RWDD1: variants seen among roughly 807,000 people sequenced by gnomAD.
The protein encoded by RWDD1 is RWD domain-containing protein 1.
Under a neutral mutation model 31.6 loss-of-function variants are expected in RWDD1, and 17 were observed. That is an observed-to-expected ratio of 0.54 (90% confidence interval 0.37 to 0.81). The LOEUF (loss-of-function observed/expected upper bound fraction) is 0.81. Ranked by LOEUF, RWDD1 falls within the 30% of genes least tolerant of loss-of-function variation. The pLI, the probability that RWDD1 is intolerant of heterozygous loss-of-function variation, is 0.00. For synonymous variants in RWDD1, 78 were observed against 94.2 expected, an observed-to-expected ratio of 0.83 and a Z score of 0.99; for missense variants, 204 against 274.5, an observed-to-expected ratio of 0.74 and a Z score of 1.82.
Position 116,593,218 on chromosome 6 carries a change from T to C in RWDD1, c.*117T>C, listed in dbSNP as rs1333096706. 2.0e-6 allele frequency: 2 copies of C among 991,586 alleles called. No individual in the cohort carries two copies. Among genetic ancestry groups the C allele is most frequent in the East Asian group, 5.6e-5 (2 of 35,784 alleles). 61.4% of individuals were successfully genotyped at this position (991,586 alleles called of 1,614,324 possible). ...AAAAATTATTTTCAGGAGAATATTC[T>C]TCTGATAGCTTTCATCATTGAACTT... On this transcript the variant is annotated 3_prime_UTR_variant, in exon 7 of 7. Transcript: ENST00000466444.
rs1583338841 is a variant in RWDD1, at chr6:116,595,618, AG to A, written c.*2518del. The A allele has an allele frequency of 6.6e-6, 1 of 151,938 alleles. No homozygotes were observed. The highest frequency in any genetic ancestry group is 1.9e-4 in the East Asian group (1 of 5,202). 9.4% of individuals were successfully genotyped at this position (151,938 alleles called of 1,614,324 possible). A position where few individuals can be genotyped will look rare whatever the true frequency, so the allele number is the denominator to read the frequency against. ...ATGTCACTAGGTTAAAAACAAACACAGATATGTTTATTCATTACTGTATCCC... is the reference window on the plus strand; with the variant it reads ...ATGTCACTAGGTTAAAAACAAACACAATATGTTTATTCATTACTGTATCCC... On this transcript the variant is annotated 3_prime_UTR_variant, in exon 7 of 7. Transcript: ENST00000466444.
intron 3 of RWDD1, among the ~76,000 whole-genome samples, chr6:116,586,675 C>T (rs528367337): frequency 6.6e-6 from 1 of 152,226 alleles, no homozygotes; most frequent in African/African-American, 2.4e-5. Flanking sequence ...CTCTTTTGTA[C>T]TCCTAGTGCC....
chr6:116,593,235 A>T lies in RWDD1; in HGVS notation c.*134A>T. 4 of 843,812 alleles carry T rather than the reference A, an allele frequency of 4.7e-6. No homozygotes were observed. The highest frequency in any genetic ancestry group is 6.8e-6 in the Non-Finnish European group (4 of 588,886). 52.3% of individuals were successfully genotyped at this position (843,812 alleles called of 1,614,324 possible). A position where few individuals can be genotyped will look rare whatever the true frequency, so the allele number is the denominator to read the frequency against. On this transcript the variant is annotated 3_prime_UTR_variant, in exon 7 of 7. Transcript: ENST00000466444. ...GAATATTCTTCTGATAGCTTTCATC[A>T]TTGAACTTAATAAACTGACCTTAAA...
chr6:116,584,963 C>T (rs1775013403), intron 3 of RWDD1, 106 bp downstream of exon 3: 5 of 873,492 alleles, frequency 5.7e-6, no homozygotes, highest in South Asian at 1.7e-5. Flanking sequence ...AGAACATTGA[C>T]CAAGTGGAAT....
In RWDD1 at chr6:116,595,942, T is replaced by G. The variant is rs1358945943; in HGVS notation, c.*2841T>G. ...GGGGTAAAACTAAGAGGAGTGATAA[T>G]AACATCTCATCAATTTAAAGGACAA... On this transcript the variant is annotated 3_prime_UTR_variant, in exon 7 of 7. Transcript: ENST00000466444. The G allele has an allele frequency of 1.3e-5, 2 of 152,186 alleles. No individual in the cohort carries two copies. The highest frequency in any genetic ancestry group is 2.9e-5 in the Non-Finnish European group (2 of 68,016). The allele number at this position is 152,186 out of a possible 1,614,324, so 9.4% of individuals were successfully genotyped here. A position where few individuals can be genotyped will look rare whatever the true frequency, so the allele number is the denominator to read the frequency against.
At chr6:116,586,145 G>A (rs1347947320) in intron 3 of RWDD1, among the ~76,000 whole-genome samples, 1 of 152,066 alleles carries the variant, frequency 6.6e-6, no homozygotes, top group Admixed American at 6.5e-5. Flanking sequence ...TGACCCTCAG[G>A]TGTGATCAGG....
chr6:116,581,423 T>G (rs1458021223), intron 2 of RWDD1, among the ~76,000 whole-genome samples: 1 of 152,026 alleles, frequency 6.6e-6, no homozygotes, highest in Non-Finnish European at 1.5e-5. Flanking sequence ...TATAAAAATT[T>G]CTTGTGAGAG....
intron 1 of RWDD1, among the ~76,000 whole-genome samples, chr6:116,572,244 G>T (rs1414536232): frequency 2.0e-5 from 3 of 152,084 alleles, no homozygotes; most frequent in African/African-American, 7.2e-5. Flanking sequence ...AAATTCATAG[G>T]TTGTTAGATT....
At chr6:116,581,545 C>A (rs1297404316) in intron 2 of RWDD1, among the ~76,000 whole-genome samples, 1 of 151,948 alleles carries the variant, frequency 6.6e-6, no homozygotes, top group Non-Finnish European at 1.5e-5. Context: ...GAAACTAAAT[C>A]CTGCATTGTA....
At chr6:116,583,269 G>A (rs1005151684) in intron 2 of RWDD1, among the ~76,000 whole-genome samples, 7 of 152,008 alleles carry the variant, frequency 4.6e-5, no homozygotes, top group African/African-American at 1.4e-4. Flanking sequence ...AAACCCCAGC[G>A]CCTGGCCATG....
intron 1 of RWDD1, among the ~76,000 whole-genome samples, chr6:116,576,931 G>A (rs1477183073): frequency 6.6e-6 from 1 of 152,210 alleles, no homozygotes; most frequent in African/African-American, 2.4e-5. Flanking sequence ...AGAGGGCCTT[G>A]TCAGGGACTT....
At chr6:116,572,887 C>T (rs771877238) in intron 1 of RWDD1, 2 of 985,342 alleles carry the variant, frequency 2.0e-6, no homozygotes, top group Admixed American at 1.2e-4. Flanking sequence ...CCCTGTATAG[C>T]TCCAGTCCTG....
chr6:116,580,074 T>G, intron 1 of RWDD1: 1 of 327,118 alleles, frequency 3.1e-6, no homozygotes. Flanking sequence ...AAGAGGGTTA[T>G]CTACCATAGT....
intron 6 of RWDD1, among the ~76,000 whole-genome samples, chr6:116,592,192 G>A (rs1028175673): frequency 2.2e-5 from 3 of 136,654 alleles, no homozygotes; most frequent in Admixed American, 7.4e-5. Context: ...CCTCATCTAC[G>A]TTACTTTCAG....
Position 116,584,749 on chromosome 6 carries a change from T to C in RWDD1, c.162T>C (p.Phe54=). The change falls in exon 3 of 7, where the codon TTT becomes TTC. Residue 54 remains phenylalanine, a synonymous_variant. Transcript: ENST00000466444. ...NDETVQTTLK[F]TYSEKYPDEA... is the part of the protein sequence containing the mutation. ...TAGCTGTCCAGACTACCCTCAAGTT[T>C]ACATACAGTGAAAAATACCCAGATG... 1 of 1,611,164 alleles carries C rather than the reference T, an allele frequency of 6.2e-7. No homozygotes were observed. Among genetic ancestry groups the C allele is most frequent in the Non-Finnish European group, 8.5e-7 (1 of 1,177,532 alleles).
intron 3 of RWDD1, 54 bp from the exon 4 acceptor site, chr6:116,588,788 A>G (rs878877641): frequency 5.3e-6 from 7 of 1,312,870 alleles, no homozygotes; most frequent in South Asian, 3.1e-5. Context: ...TTATAAATGT[A>G]TGGACTTTTA....
Position 116,580,831 on chromosome 6 carries a change from G to A in RWDD1, c.139+471G>A, listed in dbSNP as rs557862294. Among the ~76,000 whole-genome samples, 578 of 152,102 alleles carry A rather than the reference G, an allele frequency of 3.8e-3. 4 individuals are homozygous for A. Among genetic ancestry groups the A allele is most frequent in the Non-Finnish European group, 6.5e-3 (438 of 67,902 alleles). On this transcript the variant is annotated intron_variant, in intron 2 of 6. Transcript: ENST00000466444. Reference sequence around the variant, plus strand: ...TTCTGTCTCTTTCTTTTGAAATAACGTAACTATAAAAACCAATAAATTAAA... The same window carrying A: ...TTCTGTCTCTTTCTTTTGAAATAACATAACTATAAAAACCAATAAATTAAA...
intron 2 of RWDD1, among the ~76,000 whole-genome samples, chr6:116,583,704 A>T (rs1370510593): frequency 6.6e-6 from 1 of 152,016 alleles, no homozygotes; most frequent in Non-Finnish European, 1.5e-5. Context: ...GAAGAAATAA[A>T]ATGGAAAAAA....
chr6:116,590,479 G>A (rs369114851), intron 5 of RWDD1, 75 bp downstream of exon 5: 2 of 1,467,206 alleles, frequency 1.4e-6, no homozygotes, highest in Non-Finnish European at 1.8e-6. Context: ...GGATCATTTG[G>A]TCAGATTTCT....
Sources: allele counts gnomAD v4.1 joint callset (sites outside exome capture counted in the v4.1 genomes callset), GRCh38; gene constraint gnomAD v4.1.1; transcripts MANE v1.5; gene names NCBI Gene and HGNC (gene_info 2026-07-23, HGNC 2026-07-21).